The following FGF14 variants were observed in gnomAD, a reference collection of about 807,000 sequenced individuals.
FGF14 encodes fibroblast growth factor 14, also known as fibroblast growth factor homologous factor 4.
FGF14 carries 5 observed loss-of-function variants against 25.5 expected under a neutral mutation model. The observed-to-expected ratio is 0.20, with a 90% confidence interval of 0.10 to 0.41. The LOEUF (loss-of-function observed/expected upper bound fraction) is 0.41. Ranked by LOEUF, FGF14 falls within the 10% of genes least tolerant of loss-of-function variation. The pLI is 1.00. For missense variants in FGF14, 222 were observed against 320.1 expected (o/e 0.69, Z 2.34); for synonymous variants, 138 against 118.3 (o/e 1.17, Z -1.08).
At chr13:101,949,619 G>A (rs964562442) in intron 1 of FGF14, among the ~76,000 whole-genome samples, 2 of 152,144 alleles carry the variant, frequency 1.3e-5, no homozygotes, top group Non-Finnish European at 2.9e-5. Context: ...ATTTAAGAGG[G>A]CTCATGCATA....
Position 101,932,490 on chromosome 13 carries a change from G to A in FGF14, c.209-57194C>T, listed in dbSNP as rs145986672. The stretch of plus-strand genomic sequence containing the variant: ...GGAGGTTGCAGTGAGCCAAGATCAC[G>A]CCATTGCACTCCAGCCTGGGTGACA... On this transcript the variant is annotated intron_variant, in intron 1 of 4. Coordinates refer to the FGF14 transcript ENST00000376131. 8.3e-3 allele frequency among the ~76,000 whole-genome samples: 1,140 copies of A among 136,722 alleles called. 15 individuals carry two copies. Among genetic ancestry groups the A allele is most frequent in the African/African-American group, 0.032 (1,063 of 33,272 alleles). 89.7% of individuals were successfully genotyped at this position (136,722 alleles called of 152,430 possible). A position where few individuals can be genotyped will look rare whatever the true frequency, so the allele number is the denominator to read the frequency against.
At chr13:102,329,012 G>C (rs890488393) in intron 1 of FGF14, among the ~76,000 whole-genome samples, 2 of 152,114 alleles carry the variant, frequency 1.3e-5, no homozygotes, top group African/African-American at 4.8e-5. Context: ...AGGAGTTCCA[G>C]TTCGTTCCTG....
chr13:102,274,075 T>G (rs2053386562), intron 1 of FGF14, among the ~76,000 whole-genome samples: 1 of 152,048 alleles, frequency 6.6e-6, no homozygotes, highest in South Asian at 2.1e-4. Flanking sequence ...GAGGGGTTTG[T>G]TGAGAGCTGT....
chr13:101,967,534 A>ATT (rs2037290137), intron 1 of FGF14: 1 of 152,284 alleles, frequency 6.6e-6, no homozygotes, highest in Non-Finnish European at 1.5e-5. Context: ...CACAAGCAAA[A>ATT]TACAAGAAAA....
chr13:101,956,879 G>T (rs1200589137), intron 1 of FGF14, among the ~76,000 whole-genome samples: 1 of 151,232 alleles, frequency 6.6e-6, no homozygotes, highest in Non-Finnish European at 1.5e-5. Context: ...TCCTTCCTTT[G>T]TTTTTGTTTT....
chr13:101,864,916 T>A (rs537691748), intron 3 of FGF14, among the ~76,000 whole-genome samples: 2 of 152,214 alleles, frequency 1.3e-5, no homozygotes, highest in East Asian at 3.9e-4. Flanking sequence ...GTAAACCCCA[T>A]AATTAACTTG....
intron 1 of FGF14, among the ~76,000 whole-genome samples, chr13:102,000,419 T>C (rs1173567854): frequency 1.3e-5 from 2 of 152,200 alleles, no homozygotes; most frequent in African/African-American, 2.4e-5. Context: ...AGGTACATTA[T>C]GATGCAAATA....
intron 1 of FGF14, among the ~76,000 whole-genome samples, chr13:101,964,255 T>A (rs1346499116): frequency 1.8e-5 from 2 of 112,888 alleles, no homozygotes; most frequent in Non-Finnish European, 3.7e-5. Flanking sequence ...GTTGTAAAGA[T>A]TTTTTTTTAA....
intron 1 of FGF14, among the ~76,000 whole-genome samples, chr13:102,318,423 G>T (rs910560525): frequency 6.6e-5 from 10 of 152,120 alleles, no homozygotes; most frequent in African/African-American, 2.2e-4. Context: ...GACATGTATT[G>T]TCTCACAGCT....
intron 3 of FGF14, among the ~76,000 whole-genome samples, chr13:101,810,856 A>T (rs2041465307): frequency 6.6e-6 from 1 of 152,122 alleles, no homozygotes; most frequent in African/African-American, 2.4e-5. Flanking sequence ...AAGATGCTGT[A>T]GGGAAAAAAA....
Position 101,976,752 on chromosome 13 carries a change from A to G in FGF14, c.209-101456T>C, listed in dbSNP as rs77010837. On this transcript the variant is annotated intron_variant, in intron 1 of 4. Coordinates refer to the FGF14 transcript ENST00000376131. ...GCAATTGCCAACAATGGCAACAACA[A>G]AAATATATTAGTAAAGTTAGGACTT... Among the ~76,000 whole-genome samples the G allele has an allele frequency of 6.1e-3, 932 of 152,340 alleles. 12 individuals are homozygous for G. Among genetic ancestry groups the G allele is most frequent in the African/African-American group, 0.021 (874 of 41,566 alleles).
chr13:102,223,005 C>T (rs2050683756), intron 1 of FGF14, among the ~76,000 whole-genome samples: 1 of 152,166 alleles, frequency 6.6e-6, no homozygotes. Context: ...AGTCTTTCAT[C>T]ATCTATCGGG....
chr13:102,023,486 C>T (rs954286641), intron 1 of FGF14, among the ~76,000 whole-genome samples: 1 of 151,912 alleles, frequency 6.6e-6, no homozygotes, highest in East Asian at 1.9e-4. Context: ...TTATGGTGTA[C>T]AATTTAGTGT....
intron 1 of FGF14, among the ~76,000 whole-genome samples, chr13:102,146,099 A>G (rs1288773644): frequency 1.3e-5 from 2 of 152,218 alleles, no homozygotes; most frequent in Non-Finnish European, 2.9e-5. Context: ...TGTGATTCAT[A>G]AAACTCTTCC....
chr13:101,938,326 T>A (rs187261340), intron 1 of FGF14, among the ~76,000 whole-genome samples: 1 of 152,256 alleles, frequency 6.6e-6, no homozygotes, highest in African/African-American at 2.4e-5. Flanking sequence ...CTGTCATGTG[T>A]ATTTACCAAG....
chr13:102,213,831 C>T (rs2050258735), intron 1 of FGF14, among the ~76,000 whole-genome samples: 1 of 152,156 alleles, frequency 6.6e-6, no homozygotes, highest in African/African-American at 2.4e-5. Context: ...CTTTAGATGG[C>T]ACTAATGAAA....
intron 1 of FGF14, among the ~76,000 whole-genome samples, chr13:102,271,107 G>C (rs1594659915): frequency 6.6e-6 from 1 of 152,152 alleles, no homozygotes; most frequent in African/African-American, 2.4e-5. Flanking sequence ...CTTGCTATGT[G>C]AAGGAGTGAT....
At chr13:102,063,631 C>T (rs555103779) in intron 1 of FGF14, among the ~76,000 whole-genome samples, 18 of 151,242 alleles carry the variant, frequency 1.2e-4, no homozygotes, top group Non-Finnish European at 2.2e-4. Flanking sequence ...AAAAAAAGTT[C>T]GCAATGCTAA....
At chr13:102,033,678 G>A (rs754511910) in intron 1 of FGF14, among the ~76,000 whole-genome samples, 2 of 152,126 alleles carry the variant, frequency 1.3e-5, no homozygotes, top group African/African-American at 2.4e-5. Context: ...AAAGAGAGGA[G>A]AGCCTGGCAC....
Sources: gnomAD v4.1 joint callset for allele counts (sites outside exome capture counted in the v4.1 genomes callset) on GRCh38, gnomAD v4.1.1 for gene constraint, MANE v1.5 for transcripts, NCBI Gene and HGNC (gene_info 2026-07-23, HGNC 2026-07-21) for gene names.